GLMN: variants seen among roughly 807,000 people sequenced by gnomAD.
GLMN encodes glomulin, FKBP associated protein.
In GLMN, 75 loss-of-function variants were observed where a neutral mutation model predicts 87.8. That is an observed-to-expected ratio of 0.85 (90% CI 0.71 to 1.04). The LOEUF is 1.04. GLMN is among the 50% of genes least tolerant of loss of function. The pLI, the probability that GLMN is intolerant of heterozygous loss-of-function variation, is 0.00. For missense variants in GLMN, 588 were observed against 658.8 expected (o/e 0.89, Z 1.18); for synonymous variants, 206 against 221.6 (o/e 0.93, Z 0.63).
At chr1:92,262,207 A>G (rs183306577) in intron 16 of GLMN, among the ~76,000 whole-genome samples, 4 of 152,332 alleles carry the variant, frequency 2.6e-5, no homozygotes, top group African/African-American at 9.6e-5. Context: ...AAACCAATTA[A>G]CAACACATGA....
the GLMN span, among the ~76,000 whole-genome samples, chr1:92,330,928 G>A: frequency 1.5e-4 from 23 of 152,094 alleles, no homozygotes; most frequent in Non-Finnish European, 2.8e-4. Flanking sequence ...TACTGAATGA[G>A]AATTACTTTT....
intron 17 of GLMN, 80 bp downstream of exon 17, chr1:92,247,798 G>C: frequency 1.4e-6 from 1 of 735,660 alleles, no homozygotes; most frequent in South Asian, 1.4e-5. Context: ...TTTTTAAAAA[G>C]TTCTTAAATT....
At chr1:92,364,578 T>C in the GLMN span, among the ~76,000 whole-genome samples, 1 of 152,128 alleles carries the variant, frequency 6.6e-6, no homozygotes, top group Admixed American at 6.5e-5. Context: ...ATTAAGTCAT[T>C]TTGCCTTTCA....
At chr1:92,284,051 T>G (rs1648427216) in intron 7 of GLMN, among the ~76,000 whole-genome samples, 1 of 152,174 alleles carries the variant, frequency 6.6e-6, no homozygotes, top group Non-Finnish European at 1.5e-5. Context: ...CTGCCCAAAG[T>G]AATTTACAGA....
chr1:92,346,035 G>T, the GLMN span: 1 of 596,664 alleles, frequency 1.7e-6, no homozygotes, highest in Non-Finnish European at 2.9e-6. Context: ...TCTATTTTGT[G>T]CCTTATTTTC....
At chr1:92,333,918 T>G in the GLMN span, among the ~76,000 whole-genome samples, 1 of 152,384 alleles carries the variant, frequency 6.6e-6, no homozygotes, top group South Asian at 2.1e-4. Flanking sequence ...AACATGAGTT[T>G]TTGTTCAACT....
At chr1:92,298,732 T>A (rs1650488556) in intron 1 of GLMN, among the ~76,000 whole-genome samples, 193 bp downstream of exon 1, 1 of 152,094 alleles carries the variant, frequency 6.6e-6, no homozygotes, top group South Asian at 2.1e-4. Context: ...GGCAGCGCGC[T>A]GGAAGGCGAG....
At position 92,264,417 on chromosome 1, in the gene GLMN, G is replaced by A; in HGVS notation, c.1299+137C>T. 6 of 596,074 alleles carry A rather than the reference G, an allele frequency of 1.0e-5. No individual in the cohort carries two copies. The South Asian group carries it at 1.1e-4, about 11-fold the overall frequency. 36.9% of individuals were successfully genotyped at this position (596,074 alleles called of 1,614,324 possible). ...TTTTTAAAACATAGTAGAAATAGGG[G>A]AAAAAATATGCCTTAATAATATTTA... On this transcript the variant is annotated intron_variant, in intron 14 of 18. Coordinates refer to ENST00000370360, the MANE Select transcript of GLMN (RefSeq NM_053274.3).
At chr1:92,298,077 G>T in intron 1 of GLMN, 48 bp from the exon 2 acceptor site, 1 of 808,782 alleles carries the variant, frequency 1.2e-6, no homozygotes, top group Non-Finnish European at 2.2e-6. Context: ...TTACACTTAA[G>T]TATTCAAAAG....
the GLMN span, chr1:92,346,003 C>A: frequency 1.1e-6 from 1 of 914,750 alleles, no homozygotes; most frequent in Non-Finnish European, 1.7e-6. Flanking sequence ...ATTTTGTAAA[C>A]TGCCTTGGAA....
At chr1:92,265,173 C>CA (rs1446658362) in intron 13 of GLMN, among the ~76,000 whole-genome samples, 1 of 152,112 alleles carries the variant, frequency 6.6e-6, no homozygotes, top group African/African-American at 2.4e-5. Flanking sequence ...GATCTTCCAA[C>CA]AAGCCATTTC....
At chr1:92,311,176 GT>G in the GLMN span, among the ~76,000 whole-genome samples, 385 of 152,206 alleles carry the variant, frequency 2.5e-3, 3 homozygotes, top group South Asian at 9.3e-3. Flanking sequence ...GTTTTTGGTT[GT>G]TTTACTGTAG....
At chr1:92,333,021 T>G in the GLMN span, among the ~76,000 whole-genome samples, 88 of 152,280 alleles carry the variant, frequency 5.8e-4, no homozygotes, top group African/African-American at 2.1e-3. Context: ...AATGACATAA[T>G]GACTGAACTC....
intron 16 of GLMN, among the ~76,000 whole-genome samples, chr1:92,260,404 T>A (rs1388764269): frequency 6.6e-6 from 1 of 151,852 alleles, no homozygotes; most frequent in Non-Finnish European, 1.5e-5. Flanking sequence ...TCACTTGAGG[T>A]CAGAAGTTTG....
the GLMN span, among the ~76,000 whole-genome samples, chr1:92,320,395 C>T: frequency 4.6e-5 from 7 of 152,118 alleles, no homozygotes; most frequent in Non-Finnish European, 1.0e-4. Context: ...GCCTCAGCCT[C>T]CTGAGTAGCT....
chr1:92,277,971 G>A (rs145085260), intron 7 of GLMN, among the ~76,000 whole-genome samples: 2 of 152,102 alleles, frequency 1.3e-5, no homozygotes, highest in African/African-American at 4.8e-5. Flanking sequence ...GCATTGGAAG[G>A]GGGGGCAGTC....
the GLMN span, chr1:92,320,560 G>A: frequency 3.8e-6 from 6 of 1,596,002 alleles, no homozygotes; most frequent in East Asian, 2.2e-5. Flanking sequence ...ATGAGCCACC[G>A]CACCCGGCCT....
intron 3 of GLMN, among the ~76,000 whole-genome samples, chr1:92,293,862 A>C (rs1239760019): frequency 1.3e-5 from 2 of 152,198 alleles, no homozygotes; most frequent in African/African-American, 4.8e-5. Context: ...AGGCACAGAA[A>C]AACATTGAAC....
rs1473949861 is a variant in GLMN, at chr1:92,263,622, CCTAT to C, written c.1406_1409del (p.Asp469GlyfsTer6). ...GTGAACTTTGGTAATGGTCACCTCA[CCTAT>C]CTGAGTTTTGCAGTAAATCTGTTTC... is the stretch of plus-strand genomic sequence containing the variant. On this transcript the variant is annotated frameshift_variant and splice_region_variant, in exon 15 of 19. Transcript: ENST00000370360. LOFTEE classifies it high-confidence loss of function. 3.0e-6 allele frequency: 4 copies of C among 1,318,168 alleles called. No homozygotes were observed. In the South Asian group the frequency reaches 3.5e-5, roughly 12 times the overall value. 81.7% of individuals were successfully genotyped at this position (1,318,168 alleles called of 1,614,324 possible).
Sources: gnomAD v4.1 joint callset for allele counts (sites outside exome capture counted in the v4.1 genomes callset) on GRCh38, gnomAD v4.1.1 for gene constraint, MANE v1.5 for transcripts, NCBI Gene and HGNC (gene_info 2026-07-23, HGNC 2026-07-21) for gene names.